Variants in SGCD observed in about 807,000 individuals in gnomAD.
The protein encoded by SGCD is delta-sarcoglycan.
Under a neutral mutation model 36.6 loss-of-function variants are expected in SGCD, and 18 were observed. The observed-to-expected ratio is 0.49, with a 90% confidence interval of 0.34 to 0.73. SGCD has a LOEUF of 0.73. Among genes scored for constraint, SGCD ranks in the 30% least tolerant of loss-of-function variants. SGCD has a pLI of 0.01. For missense variants in SGCD, 387 were observed against 346.7 expected, an observed-to-expected ratio of 1.12 and a Z score of -0.92; for synonymous variants, 133 against 130.6, an observed-to-expected ratio of 1.02 and a Z score of -0.12.
intron 6 of SGCD, among the ~76,000 whole-genome samples, chr5:156,611,360 G>C (rs1236935874): frequency 6.6e-6 from 1 of 152,032 alleles, no homozygotes; most frequent in Non-Finnish European, 1.5e-5. Flanking sequence ...TCCTTTATTT[G>C]TGAAAGACAG....
chr5:156,393,039 C>T (rs949129715), intron 3 of SGCD, among the ~76,000 whole-genome samples: 1 of 152,182 alleles, frequency 6.6e-6, no homozygotes, highest in Non-Finnish European at 1.5e-5. Flanking sequence ...GGCACAGGCC[C>T]AGGGTTGGAG....
At chr5:156,736,388 C>G (rs920947597) in intron 7 of SGCD, among the ~76,000 whole-genome samples, 1 of 152,168 alleles carries the variant, frequency 6.6e-6, no homozygotes, top group South Asian at 2.1e-4. Context: ...AATCAAATAA[C>G]TCACAAATGA....
chr5:156,346,658 G>T (rs910793439), intron 3 of SGCD, among the ~76,000 whole-genome samples: 1 of 152,130 alleles, frequency 6.6e-6, no homozygotes. Flanking sequence ...AACTTTGGAA[G>T]ATTATATGGT....
the SGCD span, among the ~76,000 whole-genome samples, chr5:155,749,112 A>C: frequency 6.6e-6 from 1 of 152,366 alleles, no homozygotes; most frequent in East Asian, 1.9e-4. Flanking sequence ...TGATTCAAAT[A>C]AGTGATAGAT....
At chr5:156,336,794 T>G (rs980140828) in intron 2 of SGCD, among the ~76,000 whole-genome samples, 2 of 152,262 alleles carry the variant, frequency 1.3e-5, no homozygotes, top group African/African-American at 4.8e-5. Context: ...GCATGTTCTT[T>G]GATTCTTTTA....
At chr5:156,453,831 C>G (rs963521122) in intron 3 of SGCD, among the ~76,000 whole-genome samples, 1 of 152,208 alleles carries the variant, frequency 6.6e-6, no homozygotes, top group Non-Finnish European at 1.5e-5. Context: ...TTAATCTCCA[C>G]ACCATTACAC....
the SGCD span, among the ~76,000 whole-genome samples, chr5:155,864,625 G>T: frequency 6.6e-6 from 1 of 152,144 alleles, no homozygotes; most frequent in African/African-American, 2.4e-5. Flanking sequence ...AATAGAATTT[G>T]TATACAGATT....
At chr5:156,430,384 T>C (rs1434775624) in intron 3 of SGCD, among the ~76,000 whole-genome samples, 1 of 152,100 alleles carries the variant, frequency 6.6e-6, no homozygotes, top group Non-Finnish European at 1.5e-5. Flanking sequence ...ACTATTTTTC[T>C]GGAAAGTTTT....
intron 3 of SGCD, among the ~76,000 whole-genome samples, chr5:156,157,174 G>A (rs781139163): frequency 6.6e-5 from 10 of 151,570 alleles, no homozygotes; most frequent in Non-Finnish European, 1.5e-4. Context: ...AAATAGCTGT[G>A]GTCACCATAG....
intron 7 of SGCD, among the ~76,000 whole-genome samples, chr5:156,693,300 G>A (rs1488013263): frequency 6.6e-6 from 1 of 152,132 alleles, no homozygotes; most frequent in Admixed American, 6.6e-5. Context: ...TAAGTTTAGA[G>A]CTAATATTTG....
At chr5:155,780,482 C>T in the SGCD span, among the ~76,000 whole-genome samples, 1 of 152,076 alleles carries the variant, frequency 6.6e-6, no homozygotes, top group Non-Finnish European at 1.5e-5. Flanking sequence ...TTCGAAATCC[C>T]CTGCTGCAGT....
At chr5:156,253,440 T>C (rs987443374) in intron 3 of SGCD, among the ~76,000 whole-genome samples, 2 of 152,156 alleles carry the variant, frequency 1.3e-5, no homozygotes, top group Admixed American at 1.3e-4. Context: ...TCTCCAAACA[T>C]GGGTATACTT....
chr5:155,822,514 C>T, the SGCD span, among the ~76,000 whole-genome samples: 40 of 152,028 alleles, frequency 2.6e-4, no homozygotes, highest in Non-Finnish European at 4.4e-4. Context: ...TTATTTTGCA[C>T]ACTGAGGTTT....
At chr5:156,159,732 A>G (rs1763046494) in intron 3 of SGCD, among the ~76,000 whole-genome samples, 1 of 151,808 alleles carries the variant, frequency 6.6e-6, no homozygotes, top group East Asian at 1.9e-4. Context: ...ATCACTGTGC[A>G]TTTTTATAAA....
At chr5:155,798,435 T>G in the SGCD span, among the ~76,000 whole-genome samples, 2 of 152,214 alleles carry the variant, frequency 1.3e-5, no homozygotes, top group Non-Finnish European at 2.9e-5. Flanking sequence ...AGATTTACCT[T>G]CTGATTAATA....
At chr5:155,840,312 C>T in the SGCD span, among the ~76,000 whole-genome samples, 7 of 150,534 alleles carry the variant, frequency 4.7e-5, no homozygotes, top group African/African-American at 1.7e-4. Context: ...GGCGTGATCT[C>T]GGCTCACTGC....
chr5:156,637,883 A>T (rs963009074), intron 6 of SGCD, among the ~76,000 whole-genome samples: 4 of 152,004 alleles, frequency 2.6e-5, no homozygotes, highest in African/African-American at 9.7e-5. Flanking sequence ...ATGCTTTGAA[A>T]CCTTCAATTC....
chr5:156,139,775 C>T (rs867893750), intron 3 of SGCD, among the ~76,000 whole-genome samples: 11 of 152,150 alleles, frequency 7.2e-5, no homozygotes, highest in African/African-American at 2.4e-4. Flanking sequence ...AACATAGTTG[C>T]TATGGTTCGA....
the SGCD span, among the ~76,000 whole-genome samples, chr5:155,857,019 G>T: frequency 2.6e-4 from 39 of 152,028 alleles, no homozygotes; most frequent in Admixed American, 2.0e-3. Context: ...GGATTACTTG[G>T]GGTCCGGAGT....
Sources: allele counts gnomAD v4.1 joint callset (sites outside exome capture counted in the v4.1 genomes callset), GRCh38; gene constraint gnomAD v4.1.1; transcripts MANE v1.5; gene names NCBI Gene and HGNC (gene_info 2026-07-23, HGNC 2026-07-21).